The following GLRB variants were observed in gnomAD, a reference collection of about 807,000 sequenced individuals.
The protein encoded by GLRB is glycine receptor beta, also known as glycine receptor subunit beta.
GLRB carries 33 observed loss-of-function variants against 54.2 expected under a neutral mutation model. The ratio of observed to expected loss-of-function variants is 0.61; its 90% CI spans 0.46 to 0.81. The LOEUF (loss-of-function observed/expected upper bound fraction) is 0.81, where lower values mean the gene tolerates loss of function less well. GLRB is among the 40% of genes least tolerant of loss of function. GLRB has a pLI of 0.00. For synonymous variants in GLRB, 209 were observed against 208.2 expected (o/e 1.00, Z -0.03); for missense variants, 572 against 584.6 (o/e 0.98, Z 0.22).
chr4:157,087,022 A>G (rs1183661285), intron 2 of GLRB, among the ~76,000 whole-genome samples: 1 of 152,090 alleles, frequency 6.6e-6, no homozygotes, highest in African/African-American at 2.4e-5. Flanking sequence ...TAACTCTCTA[A>G]CTACATTTTA....
intron 2 of GLRB, among the ~76,000 whole-genome samples, chr4:157,114,696 A>G (rs1735543192): frequency 6.6e-6 from 1 of 151,756 alleles, no homozygotes; most frequent in Admixed American, 6.6e-5. Flanking sequence ...GTGAGAGTTT[A>G]GTAAAGTATC....
intron 2 of GLRB, among the ~76,000 whole-genome samples, chr4:157,085,209 A>T (rs1243089122): frequency 6.6e-6 from 1 of 151,162 alleles, no homozygotes; most frequent in African/African-American, 2.4e-5. Flanking sequence ...GCCATGTTCA[A>T]TTTTTTTTTC....
rs192527021 is a variant in GLRB at position 157,122,777 on chromosome 4, A to G, written c.297+380A>G. Among the ~76,000 whole-genome samples, 107 of 151,770 alleles carry G rather than the reference A, an allele frequency of 7.1e-4. 1 individual carries two copies. Among genetic ancestry groups the G allele is most frequent in the Middle Eastern group, 3.4e-3 (1 of 294 alleles). On this transcript the variant is annotated intron_variant, in intron 4 of 9. Transcript: ENST00000264428. ...TAAGTATTCAAGTTTTTTTCTTCCA[A>G]TTTCCTGAGGAGAATCCTTGTTTTA...
rs759881328 is a variant in GLRB at position 157,136,544 on chromosome 4, TCAGATGCACTGA to T, written c.377_388del (p.Asp126_Thr129del). 2 of 1,612,670 alleles carry T rather than the reference TCAGATGCACTGA, an allele frequency of 1.2e-6. No homozygotes were observed. The highest frequency in any genetic ancestry group is 2.2e-5 in the East Asian group (1 of 44,844). On this transcript the variant is annotated inframe_deletion, in exon 5 of 10. Transcript: ENST00000264428. ...GAAGCTCCCCAGTGATTTTAGGGGT[TCAGATGCACTGA>T]CAGTGGATCCAACAATGTACAAGTG... is the stretch of plus-strand genomic sequence containing the variant.
At chr4:157,116,262 A>G (rs1159216443) in intron 2 of GLRB, among the ~76,000 whole-genome samples, 1 of 151,830 alleles carries the variant, frequency 6.6e-6, no homozygotes, top group Admixed American at 6.6e-5. Context: ...GGCTTTTGAT[A>G]TAAAACTCTA....
At chr4:157,084,065 T>C (rs997532595) in intron 2 of GLRB, among the ~76,000 whole-genome samples, 1 of 152,158 alleles carries the variant, frequency 6.6e-6, no homozygotes, top group Non-Finnish European at 1.5e-5. Context: ...AAATAAACTT[T>C]CAGATTTTTT....
At chr4:157,089,744 A>G (rs377661244) in intron 2 of GLRB, among the ~76,000 whole-genome samples, 8 of 152,058 alleles carry the variant, frequency 5.3e-5, no homozygotes, top group South Asian at 4.2e-4. Flanking sequence ...GATTGCTTCT[A>G]TATCTTTATC....
At chr4:157,105,687 T>A (rs988232195) in intron 2 of GLRB, among the ~76,000 whole-genome samples, 1 of 152,136 alleles carries the variant, frequency 6.6e-6, no homozygotes, top group South Asian at 2.1e-4. Context: ...TATAAATTTC[T>A]GTGGCCCTAT....
At chr4:157,140,253 A>G (rs1199949507) in intron 7 of GLRB, among the ~76,000 whole-genome samples, 1 of 152,012 alleles carries the variant, frequency 6.6e-6, no homozygotes, top group Non-Finnish European at 1.5e-5. Context: ...CATAGATAAT[A>G]AGATATGGAA....
At position 157,123,895 on chromosome 4, in the gene GLRB, G is replaced by T. The variant is rs547761835; in HGVS notation, c.297+1498G>T. On this transcript the variant is annotated intron_variant, in intron 4 of 9. Coordinates refer to ENST00000264428, the MANE Select transcript of GLRB (RefSeq NM_000824.5). Reference sequence around the variant, plus strand: ...TTTATCTTGCATGCCCCTGTGATCAGATCCAAGAGAGTTTTAGGTCAGCTA... The same window carrying T: ...TTTATCTTGCATGCCCCTGTGATCATATCCAAGAGAGTTTTAGGTCAGCTA... 2.6e-5 allele frequency among the ~76,000 whole-genome samples: 4 copies of T among 151,740 alleles called. 1 individual carries two copies. In the South Asian group the frequency reaches 8.3e-4, roughly 31 times the overall value.
chr4:157,084,639 T>A (rs952460156), intron 2 of GLRB: 3 of 456,088 alleles, frequency 6.6e-6, no homozygotes, highest in African/African-American at 4.0e-5. Context: ...TTTGATGCCG[T>A]TATGATTTTT....
At chr4:157,102,064 A>G (rs1479403024) in intron 2 of GLRB, among the ~76,000 whole-genome samples, 2 of 152,166 alleles carry the variant, frequency 1.3e-5, no homozygotes. Context: ...AAAGGTGCCA[A>G]CTAATTTTTA....
intron 2 of GLRB, among the ~76,000 whole-genome samples, chr4:157,093,587 T>A (rs971985885): frequency 6.6e-6 from 1 of 151,734 alleles, no homozygotes; most frequent in South Asian, 2.1e-4. Context: ...AAACCCTGTC[T>A]CTACTAAAAA....
chr4:157,157,526 T>C (rs915075412), intron 9 of GLRB, among the ~76,000 whole-genome samples: 1 of 151,730 alleles, frequency 6.6e-6, no homozygotes, highest in African/African-American at 2.4e-5. Context: ...GTGTGTGACA[T>C]TCCCTACCCT....
At chr4:157,119,766 A>G (rs1168879822) in intron 2 of GLRB, among the ~76,000 whole-genome samples, 2 of 151,750 alleles carry the variant, frequency 1.3e-5, no homozygotes, top group Non-Finnish European at 2.9e-5. Flanking sequence ...AGAAATAGGA[A>G]CACTTTTACA....
At chr4:157,130,043 A>T (rs1378458953) in intron 4 of GLRB, among the ~76,000 whole-genome samples, 1 of 151,654 alleles carries the variant, frequency 6.6e-6, no homozygotes, top group Non-Finnish European at 1.5e-5. Context: ...GTTTTTTAGC[A>T]CCTAATATCT....
intron 9 of GLRB, among the ~76,000 whole-genome samples, chr4:157,167,327 T>C (rs923538504): frequency 6.6e-6 from 1 of 152,218 alleles, no homozygotes; most frequent in Non-Finnish European, 1.5e-5. Context: ...GATAGTGAGT[T>C]ACTCTTTACA....
At chr4:157,142,020 T>G (rs1736636225) in intron 7 of GLRB, among the ~76,000 whole-genome samples, 2 of 152,128 alleles carry the variant, frequency 1.3e-5, no homozygotes, top group African/African-American at 4.8e-5. Flanking sequence ...TCATATGCAC[T>G]AGGTGAACAG....
intron 9 of GLRB, among the ~76,000 whole-genome samples, chr4:157,162,802 C>A (rs558766445): frequency 6.6e-6 from 1 of 152,330 alleles, no homozygotes; most frequent in African/African-American, 2.4e-5. Context: ...CTTGAGAAGG[C>A]AGTCTGTCCA....
Sources: allele counts gnomAD v4.1 joint callset (sites outside exome capture counted in the v4.1 genomes callset), GRCh38; gene constraint gnomAD v4.1.1; transcripts MANE v1.5; gene names NCBI Gene and HGNC (gene_info 2026-07-23, HGNC 2026-07-21).